The following CFAP299 variants were observed in gnomAD, a reference collection of about 807,000 sequenced individuals.
The protein encoded by CFAP299 is cilia and flagella associated protein 299, also known as cilia- and flagella-associated protein 299.
Under a neutral mutation model 27.0 loss-of-function variants are expected in CFAP299, and 21 were observed. That is an observed-to-expected ratio of 0.78 (90% CI 0.55 to 1.12). CFAP299 has a LOEUF of 1.12. Among genes scored for constraint, CFAP299 ranks in the 50% most tolerant of loss-of-function variants. CFAP299 has a pLI of 0.00. For missense variants in CFAP299, 310 were observed against 276.6 expected (o/e 1.12, Z -0.86); for synonymous variants, 104 against 98.1 (o/e 1.06, Z -0.36).
At chr4:80,518,187 A>G (rs550214046) in intron 2 of CFAP299, among the ~76,000 whole-genome samples, 188 of 152,230 alleles carry the variant, frequency 1.2e-3, no homozygotes, top group African/African-American at 4.4e-3. Context: ...CATACAAGAT[A>G]ATATTAGCAA....
chr4:80,585,100 A>C (rs1578634905), intron 3 of CFAP299, among the ~76,000 whole-genome samples: 1 of 152,102 alleles, frequency 6.6e-6, no homozygotes, highest in South Asian at 2.1e-4. Context: ...ATGCCAGCAG[A>C]TGCACTGCAA....
chr4:80,481,313 T>A lies in CFAP299; in HGVS notation c.243-101780T>A, dbSNP rs189333743. On this transcript the variant is annotated intron_variant, in intron 2 of 5. Coordinates refer to ENST00000358105, the MANE Select transcript of CFAP299 (RefSeq NM_152770.3). Reference sequence around the variant, plus strand: ...ATAATGTGCTAAAATTATCAACCACTACCAATAAAATCTCCCTAAATGCAT... The same window carrying A: ...ATAATGTGCTAAAATTATCAACCACAACCAATAAAATCTCCCTAAATGCAT... Among the ~76,000 whole-genome samples the A allele has an allele frequency of 5.1e-3, 769 of 152,196 alleles. 4 individuals carry two copies. Among genetic ancestry groups the A allele is most frequent in the Middle Eastern group, 0.017 (5 of 294 alleles).
rs6831890 is a variant in CFAP299 at position 80,563,804 on chromosome 4, G to A, written c.243-19289G>A. ...AACAAAATTGACAAACCTCTAACCA[G>A]GTAACAAAGAAAAAAAGAAAGACTA... On this transcript the variant is annotated intron_variant, in intron 2 of 5. Coordinates refer to ENST00000358105, the MANE Select transcript of CFAP299 (RefSeq NM_152770.3). Among the ~76,000 whole-genome samples, 455 of 151,602 alleles carry A rather than the reference G, an allele frequency of 3.0e-3. 3 individuals are homozygous for A. The highest frequency in any genetic ancestry group is 0.011 in the African/African-American group (446 of 41,428).
At chr4:80,456,007 C>T (rs1386921642) in intron 2 of CFAP299, among the ~76,000 whole-genome samples, 4 of 151,734 alleles carry the variant, frequency 2.6e-5, no homozygotes, top group Non-Finnish European at 5.9e-5. Context: ...AAAAATAAAG[C>T]AGGAAAAGGA....
upstream of CFAP299, among the ~76,000 whole-genome samples, chr4:80,332,804 G>A (rs771504330): frequency 2.0e-5 from 3 of 152,122 alleles, no homozygotes; most frequent in Non-Finnish European, 4.4e-5. Context: ...CTATTCACAG[G>A]TGCTATGTTC....
chr4:80,776,099 G>A (rs1193500575), intron 3 of CFAP299, among the ~76,000 whole-genome samples: 1 of 152,080 alleles, frequency 6.6e-6, no homozygotes, highest in African/African-American at 2.4e-5. Context: ...ATTAAAAGGT[G>A]GAATTAGTGA....
chr4:80,868,977 C>A (rs1442172943), intron 3 of CFAP299, among the ~76,000 whole-genome samples: 1 of 148,072 alleles, frequency 6.8e-6, no homozygotes, highest in African/African-American at 2.5e-5. Context: ...ACATTGGGAG[C>A]AAGCTTGATG....
intron 2 of CFAP299, among the ~76,000 whole-genome samples, chr4:80,530,836 G>A (rs1338810159): frequency 6.6e-6 from 1 of 152,194 alleles, no homozygotes; most frequent in Non-Finnish European, 1.5e-5. Flanking sequence ...CATGTGCAAA[G>A]ACCTTGAGGT....
chr4:80,469,025 A>G (rs1276852311), intron 2 of CFAP299, among the ~76,000 whole-genome samples: 1 of 152,186 alleles, frequency 6.6e-6, no homozygotes, highest in Non-Finnish European at 1.5e-5. Context: ...AATCTGAGAA[A>G]AAAAAGCAAT....
chr4:80,478,175 ATTGTATGCCAACTTTTAAAACGTAT>A (rs1560585487), intron 2 of CFAP299, among the ~76,000 whole-genome samples: 1 of 152,176 alleles, frequency 6.6e-6, no homozygotes, highest in African/African-American at 2.4e-5. Flanking sequence ...TACCTGGTGT[ATTGTATGCCAACTTTTAAAACGTAT>A]CCAGTGGAGG....
intron 2 of CFAP299, among the ~76,000 whole-genome samples, chr4:80,524,604 T>G (rs1733082046): frequency 2.0e-5 from 3 of 152,106 alleles, no homozygotes; most frequent in Admixed American, 1.3e-4. Context: ...CTTGGGTGTC[T>G]TAAGGAATTT....
chr4:80,930,149 G>T (rs1736543380), intron 4 of CFAP299, among the ~76,000 whole-genome samples: 1 of 152,092 alleles, frequency 6.6e-6, no homozygotes, highest in Non-Finnish European at 1.5e-5. Context: ...ATGGCCATTG[G>T]CTTTATAAAT....
At position 80,573,692 on chromosome 4, in the gene CFAP299, A is replaced by G. The variant is rs555995231; in HGVS notation, c.243-9401A>G. Among the ~76,000 whole-genome samples, 40 of 152,090 alleles carry G rather than the reference A, an allele frequency of 2.6e-4. 1 individual carries two copies. Among genetic ancestry groups the G allele is most frequent in the Admixed American group, 6.5e-4 (10 of 15,272 alleles). On this transcript the variant is annotated intron_variant, in intron 2 of 5. Coordinates refer to ENST00000358105, the MANE Select transcript of CFAP299 (RefSeq NM_152770.3). ...ATTCTTCTGTATATGGATATTCAGT[A>G]TTTCTGGCACCATTTATTGAAAACT...
intron 3 of CFAP299, among the ~76,000 whole-genome samples, chr4:80,681,250 G>T (rs1476184877): frequency 6.6e-6 from 1 of 152,084 alleles, no homozygotes; most frequent in African/African-American, 2.4e-5. Context: ...ATCCCCTCCT[G>T]TGACAGAGGA....
intron 1 of CFAP299, among the ~76,000 whole-genome samples, chr4:80,358,350 A>G (rs1034362636): frequency 6.6e-6 from 1 of 151,916 alleles, no homozygotes; most frequent in African/African-American, 2.4e-5. Context: ...TATCAGTTCC[A>G]CTTGATTTAA....
chr4:80,881,087 G>C (rs1346564641), intron 4 of CFAP299, among the ~76,000 whole-genome samples: 1 of 152,216 alleles, frequency 6.6e-6, no homozygotes. Context: ...ACAGAACTGA[G>C]GTTGTATCTC....
intron 2 of CFAP299, among the ~76,000 whole-genome samples, chr4:80,574,256 T>C (rs1735737254): frequency 6.6e-6 from 1 of 152,144 alleles, no homozygotes; most frequent in Non-Finnish European, 1.5e-5. Context: ...TTCAGATTAT[T>C]CACTTTTGAT....
chr4:80,710,925 G>A (rs1722125854), intron 3 of CFAP299, among the ~76,000 whole-genome samples: 1 of 152,080 alleles, frequency 6.6e-6, no homozygotes, highest in South Asian at 2.1e-4. Flanking sequence ...ACTGTGCTTT[G>A]GTCAAGGATG....
intron 3 of CFAP299, among the ~76,000 whole-genome samples, chr4:80,757,949 G>GC (rs1236258320): frequency 6.6e-6 from 1 of 152,158 alleles, no homozygotes; most frequent in Non-Finnish European, 1.5e-5. Context: ...AGGAGCTGGA[G>GC]CAAGCACCTT....
Sources: allele counts gnomAD v4.1 joint callset (sites outside exome capture counted in the v4.1 genomes callset), GRCh38; gene constraint gnomAD v4.1.1; transcripts MANE v1.5; gene names NCBI Gene and HGNC (gene_info 2026-07-23, HGNC 2026-07-21).